The following PDE6C variants were observed in gnomAD, a reference collection of about 807,000 sequenced individuals.
The protein encoded by PDE6C is phosphodiesterase 6C.
PDE6C carries 75 observed loss-of-function variants against 113.1 expected under a neutral mutation model. The observed-to-expected ratio is 0.66, with a 90% CI of 0.55 to 0.80. The LOEUF (loss-of-function observed/expected upper bound fraction) is 0.80, where lower values mean the gene tolerates loss of function less well. PDE6C is among the 30% of genes least tolerant of loss of function. The probability of loss-of-function intolerance (pLI) is 0.00; values close to 1 mark genes in which losing one functional copy is unlikely to be tolerated. For synonymous variants in PDE6C, 375 were observed against 363.7 expected (o/e 1.03, Z -0.35); for missense variants, 912 against 1,038.6 (o/e 0.88, Z 1.67).
intron 13 of PDE6C, 146 bp from the exon 14 acceptor site, chr10:93,640,774 C>A: frequency 2.8e-6 from 2 of 706,452 alleles, no homozygotes; most frequent in Non-Finnish European, 5.0e-6. Flanking sequence ...TCAGTCTTCA[C>A]CCACAGTACT....
chr10:93,614,895 G>A (rs1449560199), intron 1 of PDE6C, among the ~76,000 whole-genome samples: 1 of 152,102 alleles, frequency 6.6e-6, no homozygotes, highest in Non-Finnish European at 1.5e-5. Context: ...AGACAGATAC[G>A]GTTCTGTGCT....
intron 18 of PDE6C, among the ~76,000 whole-genome samples, chr10:93,661,035 G>T (rs1248750039): frequency 6.6e-6 from 1 of 152,058 alleles, no homozygotes; most frequent in African/African-American, 2.4e-5. Context: ...CTTGCCCAAA[G>T]ATCACTTTAT....
Position 93,625,669 on chromosome 10 carries a change from T to G in PDE6C, c.939+20T>G. ...GGCAGGGTACGTGCAAATGTCTTCCTTGATGCCATCTGTGCATGGTGTCAG... is the reference window on the plus strand; with the variant it reads ...GGCAGGGTACGTGCAAATGTCTTCCGTGATGCCATCTGTGCATGGTGTCAG... On this transcript the variant is annotated intron_variant, in intron 5 of 21. Transcript: ENST00000371447. 6.4e-7 allele frequency: 1 copy of G among 1,558,326 alleles called. No homozygotes were observed. Among genetic ancestry groups the G allele is most frequent in the South Asian group, 1.1e-5 (1 of 89,792 alleles).
chr10:93,612,570 C>T lies in PDE6C; in HGVS notation c.-156C>T. On this transcript the variant is annotated 5_prime_UTR_variant, in exon 1 of 22. Transcript: ENST00000371447. ...CCAAGAGTTACAGGCAGTTTGAAAG[C>T]TCTGCTTTCTGCTTGACCTTTGGAA... 1.0e-6 allele frequency: 1 copy of T among 983,106 alleles called. No homozygotes were observed. The highest frequency in any genetic ancestry group is 1.4e-5 in the South Asian group (1 of 73,666). 60.9% of individuals were successfully genotyped at this position (983,106 alleles called of 1,614,324 possible).
At chr10:93,623,530 C>T (rs2058458604) in intron 4 of PDE6C, among the ~76,000 whole-genome samples, 3 of 152,078 alleles carry the variant, frequency 2.0e-5, no homozygotes, top group Admixed American at 6.5e-5. Flanking sequence ...TCTATGAAGC[C>T]TCATCAAACC....
Position 93,662,120 on chromosome 10 carries a change from A to G in PDE6C, c.2270A>G (p.Gln757Arg). ...GGAGATCTGGAGAGAACAGTGTTGCAGCAACAACCCATTGTAAGACCTTGA... is the reference window on the plus strand; with the variant it reads ...GGAGATCTGGAGAGAACAGTGTTGCGGCAACAACCCATTGTAAGACCTTGA... ...EQGDLERTVL[Q>R]QQPIPMMDRN... is the part of the protein sequence containing the mutation. The change falls in exon 19 of 22, where the codon CAG becomes CGG. Residue 757 changes from glutamine (Q) to arginine (R), a missense_variant. Transcript: ENST00000371447. 3 of 1,602,940 alleles carry G rather than the reference A, an allele frequency of 1.9e-6. No individual in the cohort carries two copies. Among genetic ancestry groups the G allele is most frequent in the Non-Finnish European group, 2.6e-6 (3 of 1,169,914 alleles).
chr10:93,626,691 A>G lies in PDE6C; in HGVS notation c.991A>G (p.Ile331Val), dbSNP rs369628525. Residue 331 changes from isoleucine to valine, a missense_variant, in exon 6 of 22, where the codon ATC becomes GTC. Coordinates refer to ENST00000371447, the MANE Select transcript of PDE6C (RefSeq NM_006204.4). ...IDYILHGKEE[I>V]KVIPTPPADH... ...TTACATTTTACATGGAAAAGAAGAG[A>G]TCAAAGTGATTCCGTGAGTATTGGC... 7.8e-5 allele frequency: 126 copies of G among 1,605,988 alleles called. No individual in the cohort carries two copies. Among genetic ancestry groups the G allele is most frequent in the African/African-American group, 1.1e-4 (8 of 74,768 alleles).
rs2058649199 is a variant in PDE6C, at chr10:93,658,199, GA to G, written c.2037-697del. ...AAAAAAAAAAAAAAAAAAAGAAAAA[GA>G]AAAAGAAAAGAAAGAAAGAAAGAAA... On this transcript the variant is annotated intron_variant, in intron 16 of 21. Transcript: ENST00000371447. Among the ~76,000 whole-genome samples the G allele has an allele frequency of 2.3e-4, 28 of 120,492 alleles. No homozygotes were observed. In the East Asian group the frequency reaches 4.4e-3, roughly 19 times the overall value. The allele number at this position is 120,492 out of a possible 152,430, so 79.0% of individuals were successfully genotyped here. A position where few individuals can be genotyped will look rare whatever the true frequency, so the allele number is the denominator to read the frequency against.
At chr10:93,634,338 A>G (rs1021837519) in intron 8 of PDE6C, among the ~76,000 whole-genome samples, 1 of 152,076 alleles carries the variant, frequency 6.6e-6, no homozygotes, top group African/African-American at 2.4e-5. Flanking sequence ...AAAATAAACT[A>G]AGTGACAGGT....
At chr10:93,654,825 T>G (rs541671082) in intron 15 of PDE6C, among the ~76,000 whole-genome samples, 1 of 131,698 alleles carries the variant, frequency 7.6e-6, no homozygotes, top group East Asian at 2.5e-4. Context: ...TTTTTTTTTT[T>G]GAAACAGGGT....
chr10:93,652,054 C>T (rs1337245246), intron 15 of PDE6C, among the ~76,000 whole-genome samples: 1 of 151,686 alleles, frequency 6.6e-6, no homozygotes, highest in Admixed American at 6.6e-5. Context: ...TGTGTATGTC[C>T]CACTTTGTTC....
chr10:93,662,921 C>T, intron 20 of PDE6C, 107 bp from the exon 21 acceptor site: 1 of 987,760 alleles, frequency 1.0e-6, no homozygotes, highest in Non-Finnish European at 1.6e-6. Context: ...CTTATCCTAG[C>T]AGCTCTGAGT....
intron 15 of PDE6C, among the ~76,000 whole-genome samples, chr10:93,650,792 C>G (rs1247550794): frequency 5.9e-5 from 9 of 152,074 alleles, no homozygotes; most frequent in African/African-American, 2.2e-4. Context: ...CATTTTTAAG[C>G]TATATGTGTT....
chr10:93,641,812 G>C (rs941424358), intron 14 of PDE6C, among the ~76,000 whole-genome samples: 2 of 152,100 alleles, frequency 1.3e-5, no homozygotes, highest in African/African-American at 4.8e-5. Flanking sequence ...CCTTCAGCTG[G>C]TCTTCCATCT....
At chr10:93,621,024 G>C in intron 3 of PDE6C, 44 bp downstream of exon 3, 1 of 1,529,994 alleles carries the variant, frequency 6.5e-7, no homozygotes, top group Non-Finnish European at 9.1e-7. Flanking sequence ...GACCTATTCT[G>C]ACAAAGCCGC....
At chr10:93,658,693 T>C (rs71480875) in intron 16 of PDE6C, among the ~76,000 whole-genome samples, 2 of 105,636 alleles carry the variant, frequency 1.9e-5, no homozygotes, top group Middle Eastern at 5.3e-3. Context: ...TCTCTCTCTG[T>C]ATGGTTTGTG....
rs1440496469 is a variant in PDE6C, at chr10:93,620,732, T to C, written c.581T>C (p.Ile194Thr). ...GTGGGCAAGGAGGTTCTTGCTGTGA[T>C]CATGGCAGTTAACAAAGTAAATGCA... is the stretch of plus-strand genomic sequence containing the variant. Reference protein sequence around the residue: ...IVVGKEVLAVIMAVNKVNASE... With the variant: ...IVVGKEVLAVTMAVNKVNASE... The change falls in exon 2 of 22, where the codon ATC becomes ACC. Residue 194 changes from isoleucine (I) to threonine (T), a missense_variant. Physicochemically the swap from Ile to Thr is moderately conservative, Grantham distance 89. Coordinates refer to ENST00000371447, the MANE Select transcript of PDE6C (RefSeq NM_006204.4). The C allele has an allele frequency of 1.2e-6, 2 of 1,614,072 alleles. No homozygotes were observed. The highest frequency in any genetic ancestry group is 8.5e-7 in the Non-Finnish European group (1 of 1,180,036).
chr10:93,616,059 A>C (rs2058418096), intron 1 of PDE6C, among the ~76,000 whole-genome samples: 1 of 152,192 alleles, frequency 6.6e-6, no homozygotes, highest in Admixed American at 6.5e-5. Context: ...GTTTCAAATG[A>C]AATATCTGAT....
chr10:93,639,266 T>G (rs981861303), intron 11 of PDE6C, among the ~76,000 whole-genome samples: 3 of 152,220 alleles, frequency 2.0e-5, no homozygotes, highest in Non-Finnish European at 4.4e-5. Flanking sequence ...TCCCTCGGCA[T>G]GGAGCACTGG....
Sources: gnomAD v4.1 joint callset for allele counts (sites outside exome capture counted in the v4.1 genomes callset) on GRCh38, gnomAD v4.1.1 for gene constraint, MANE v1.5 for transcripts, NCBI Gene and HGNC (gene_info 2026-07-23, HGNC 2026-07-21) for gene names.